The following HERC5 variants were observed in gnomAD, a reference collection of about 807,000 sequenced individuals.
The protein encoded by HERC5 is E3 ISG15--protein ligase HERC5.
Under a neutral mutation model 119.6 loss-of-function variants are expected in HERC5, and 99 were observed. The ratio of observed to expected loss-of-function variants is 0.83; its 90% confidence interval spans 0.70 to 0.98. The LOEUF (loss-of-function observed/expected upper bound fraction) is 0.98, where lower values mean the gene tolerates loss of function less well. Among genes scored for constraint, HERC5 ranks in the 50% least tolerant of loss-of-function variants. The pLI is 0.00. For synonymous variants in HERC5, 478 were observed against 445.9 expected, an observed-to-expected ratio of 1.07 and a Z score of -0.91; for missense variants, 1,267 against 1,241.3, an observed-to-expected ratio of 1.02 and a Z score of -0.31.
At chr4:88,460,840 A>G (rs1210185601) in intron 3 of HERC5, among the ~76,000 whole-genome samples, 1 of 152,088 alleles carries the variant, frequency 6.6e-6, no homozygotes, top group East Asian at 1.9e-4. Context: ...AAACTTAAAA[A>G]TTAGCTGGGC....
At chr4:88,484,653 T>G (rs965380235) in intron 13 of HERC5, among the ~76,000 whole-genome samples, 2 of 152,176 alleles carry the variant, frequency 1.3e-5, no homozygotes, top group African/African-American at 4.8e-5. Context: ...AGGAAAGAGC[T>G]TATTCATTTC....
chr4:88,467,923 TC>T, intron 7 of HERC5: 1 of 972,936 alleles, frequency 1.0e-6, no homozygotes, highest in South Asian at 4.8e-5. Flanking sequence ...CAGAGTTATT[TC>T]CTTAAGCAGC....
rs772448672 is a variant in HERC5, at chr4:88,504,124, A to G, written c.2583-108A>G. 11 of 673,298 alleles carry G rather than the reference A, an allele frequency of 1.6e-5. No individual in the cohort carries two copies. The East Asian group carries it at 1.8e-4, about 11-fold the overall frequency. The allele number at this position is 673,298 out of a possible 1,614,324, so 41.7% of individuals were successfully genotyped here. On this transcript the variant is annotated intron_variant, in intron 20 of 22. Transcript: ENST00000264350. ...TAGTAACTATGACAGTCCATGGCAC[A>G]TGGTAGGTACTCAATAACTGTTAGG... is the stretch of plus-strand genomic sequence containing the variant.
chr4:88,469,054 C>T, intron 8 of HERC5, 103 bp from the exon 9 acceptor site: 1 of 664,096 alleles, frequency 1.5e-6, no homozygotes, highest in Non-Finnish European at 2.6e-6. Context: ...CTGTATTACA[C>T]ATATTTAAAA....
rs1243158168 is a variant in HERC5, at chr4:88,467,292, CAT to C, written c.1057+91_1057+92del. The C allele has an allele frequency of 9.9e-6, 13 of 1,319,078 alleles. No homozygotes were observed. The African/African-American group carries it at 1.2e-4, about 12-fold the overall frequency. 81.7% of individuals were successfully genotyped at this position (1,319,078 alleles called of 1,614,324 possible). On this transcript the variant is annotated intron_variant, in intron 7 of 22. Coordinates refer to ENST00000264350, the MANE Select transcript of HERC5 (RefSeq NM_016323.4). ...CTAGGTAATGTGGCAAAGAAAGCAACATATGACTATGAAGGGAGTTTCTCTAA... is the reference window on the plus strand; with the variant it reads ...CTAGGTAATGTGGCAAAGAAAGCAACATGACTATGAAGGGAGTTTCTCTAA...
At chr4:88,478,885 T>A (rs1741173749) in intron 12 of HERC5, among the ~76,000 whole-genome samples, 1 of 152,124 alleles carries the variant, frequency 6.6e-6, no homozygotes, top group Admixed American at 6.5e-5. Flanking sequence ...GTGCTGGGAT[T>A]GTAGGTGTGA....
intron 15 of HERC5, among the ~76,000 whole-genome samples, chr4:88,488,211 C>CTTT (rs1286414623): frequency 6.6e-6 from 1 of 150,932 alleles, no homozygotes; most frequent in Non-Finnish European, 1.5e-5. Flanking sequence ...CCTTTTTCTG[C>CTTT]TAAAAGCATA....
At chr4:88,484,870 T>C (rs961862123) in intron 13 of HERC5, among the ~76,000 whole-genome samples, 16 of 152,328 alleles carry the variant, frequency 1.1e-4, no homozygotes, top group African/African-American at 3.8e-4. Context: ...GACCTGATTA[T>C]TCCATATCTA....
chr4:88,469,096 GT>G, intron 8 of HERC5, 60 bp from the exon 9 acceptor site: 3 of 1,056,504 alleles, frequency 2.8e-6, no homozygotes, highest in Non-Finnish European at 4.4e-6. Context: ...GTACCTAAAA[GT>G]TGGGTGCCTA....
At position 88,492,193 on chromosome 4, in the gene HERC5, G is replaced by A. The variant is rs1012579150; in HGVS notation, c.2134-819G>A. On this transcript the variant is annotated intron_variant, in intron 16 of 22. Transcript: ENST00000264350. ...TAATTTTTGTATTTTTAGTAGAGACGGGGTTTCACCATGTTGGCCAGACTG... is the reference window on the plus strand; with the variant it reads ...TAATTTTTGTATTTTTAGTAGAGACAGGGTTTCACCATGTTGGCCAGACTG... 5.3e-5 allele frequency among the ~76,000 whole-genome samples: 8 copies of A among 151,480 alleles called. No individual in the cohort carries two copies. The South Asian group carries it at 1.3e-3, about 24-fold the overall frequency.
At chr4:88,479,279 T>A in intron 12 of HERC5, 74 bp from the exon 13 acceptor site, 2 of 1,202,564 alleles carry the variant, frequency 1.7e-6, no homozygotes, top group Non-Finnish European at 1.1e-6. Context: ...GGTGAGACTC[T>A]GTCTCAAAAA....
In HERC5 at chr4:88,457,335, G is replaced by T; in HGVS notation, c.66G>T (p.Ala22=). 1 of 1,407,300 alleles carries T rather than the reference G, an allele frequency of 7.1e-7. No individual in the cohort carries two copies. Among genetic ancestry groups the T allele is most frequent in the South Asian group, 1.5e-5 (1 of 67,924 alleles). 87.2% of individuals were successfully genotyped at this position (1,407,300 alleles called of 1,614,324 possible). A position where few individuals can be genotyped will look rare whatever the true frequency, so the allele number is the denominator to read the frequency against. Residue 22 remains alanine (A), a synonymous_variant, in exon 1 of 23, where the codon GCG becomes GCT. Transcript: ENST00000264350. ...NGRSTAGKAA[A]TQPAKSPGAQ... ...GCTCGACCGCGGGCAAGGCCGCCGCGACCCAGCCCGCGAAGTCTCCGGGCG... is the reference window on the plus strand; with the variant it reads ...GCTCGACCGCGGGCAAGGCCGCCGCTACCCAGCCCGCGAAGTCTCCGGGCG...
chr4:88,489,250 C>G lies in HERC5; in HGVS notation c.2047C>G (p.Leu683Val), dbSNP rs749119503. Residue 683 changes from leucine to valine, a missense_variant, in exon 16 of 23, where the codon CTA (leucine) becomes GTA (valine). This residue lies in a region of HERC5 where 473 missense variants were observed against 445.7 expected (regional missense o/e 1.06). Coordinates refer to ENST00000264350, the MANE Select transcript of HERC5 (RefSeq NM_016323.4). Reference sequence around the variant, plus strand: ...ATTCGCTTTGAGGCCCACGTTTGATCTAACAGTCAGAAGGAATCACTTGAT... The same window carrying G: ...ATTCGCTTTGAGGCCCACGTTTGATGTAACAGTCAGAAGGAATCACTTGAT... ...SEFALRPTFD[L>V]TVRRNHLIED... 69 of 1,613,794 alleles carry G rather than the reference C, an allele frequency of 4.3e-5. No homozygotes were observed. Among genetic ancestry groups the G allele is most frequent in the Non-Finnish European group, 5.7e-5 (67 of 1,179,852 alleles).
chr4:88,501,519 A>G (rs1337260713), intron 20 of HERC5, among the ~76,000 whole-genome samples: 1 of 152,220 alleles, frequency 6.6e-6, no homozygotes, highest in Non-Finnish European at 1.5e-5. Flanking sequence ...GTTTGGAATT[A>G]TAGAACCTTC....
chr4:88,463,515 T>A lies in HERC5; in HGVS notation c.689-17T>A, dbSNP rs765107612. On this transcript the variant is annotated splice_polypyrimidine_tract_variant and intron_variant, in intron 4 of 22. Coordinates refer to ENST00000264350, the MANE Select transcript of HERC5 (RefSeq NM_016323.4). ...CATTTCCTTTTGGTCACTTCAGCTA[T>A]TTTTTTCCTTACATAGGTAAAGATG... 4.1e-5 allele frequency: 64 copies of A among 1,574,068 alleles called. No homozygotes were observed. The highest frequency in any genetic ancestry group is 4.9e-5 in the Non-Finnish European group (56 of 1,145,462).
chr4:88,479,232 C>A, intron 12 of HERC5, 121 bp from the exon 13 acceptor site: 1 of 625,246 alleles, frequency 1.6e-6, no homozygotes, highest in Non-Finnish European at 2.5e-6. Flanking sequence ...ATGTAGTGAG[C>A]TGAGATCGTG....
At chr4:88,492,942 A>G in intron 16 of HERC5, 70 bp from the exon 17 acceptor site, 1 of 1,456,770 alleles carries the variant, frequency 6.9e-7, no homozygotes, top group Non-Finnish European at 9.4e-7. Flanking sequence ...ATTTACTATT[A>G]TTAAATGAGA....
intron 7 of HERC5, 123 bp from the exon 8 acceptor site, chr4:88,468,221 TAA>T: frequency 1.5e-6 from 1 of 672,504 alleles, no homozygotes. Context: ...GAAAATGTAC[TAA>T]GTTTTGTCTA....
At chr4:88,487,696 A>G (rs1485023512) in intron 15 of HERC5, among the ~76,000 whole-genome samples, 1 of 152,180 alleles carries the variant, frequency 6.6e-6, no homozygotes, top group Non-Finnish European at 1.5e-5. Context: ...TACTGTTACT[A>G]GCTGAGGTGG....
Sources: allele counts gnomAD v4.1 joint callset (sites outside exome capture counted in the v4.1 genomes callset), GRCh38; gene constraint gnomAD v4.1.1; regional missense constraint gnomAD v4.1.1; transcripts MANE v1.5; gene names NCBI Gene and HGNC (gene_info 2026-07-23, HGNC 2026-07-21).